The following FOXO1 variants were observed in gnomAD, a reference collection of about 807,000 sequenced individuals.
The protein encoded by FOXO1 is forkhead box protein O1.
FOXO1 carries 6 observed loss-of-function variants against 44.1 expected under a neutral mutation model. That is an observed-to-expected ratio of 0.14 (90% CI 0.07 to 0.27). FOXO1 has a LOEUF of 0.27. Ranked by LOEUF, FOXO1 falls within the 10% of genes least tolerant of loss-of-function variation. The pLI is 1.00. For synonymous variants in FOXO1, 380 were observed against 362.7 expected, an observed-to-expected ratio of 1.05 and a Z score of -0.54; for missense variants, 737 against 888.8, an observed-to-expected ratio of 0.83 and a Z score of 2.17.
At chr13:40,573,525 C>G (rs1566064766) in intron 1 of FOXO1, among the ~76,000 whole-genome samples, 1 of 152,210 alleles carries the variant, frequency 6.6e-6, no homozygotes, top group Non-Finnish European at 1.5e-5. Flanking sequence ...AGGGTCCCCA[C>G]TTGAATGACT....
intron 1 of FOXO1, among the ~76,000 whole-genome samples, chr13:40,662,987 T>G (rs1347315493): frequency 1.3e-5 from 2 of 152,248 alleles, no homozygotes; most frequent in Non-Finnish European, 2.9e-5. Context: ...TTAGAACAGC[T>G]CAGGTTGTTT....
At chr13:40,600,392 G>T (rs1266305928) in intron 1 of FOXO1, among the ~76,000 whole-genome samples, 1 of 152,134 alleles carries the variant, frequency 6.6e-6, no homozygotes, top group Admixed American at 6.5e-5. Flanking sequence ...CTTTACCTTG[G>T]GGGGCACTCA....
chr13:40,653,634 C>T lies in FOXO1; in HGVS notation c.630+11949G>A, dbSNP rs185682230. Among the ~76,000 whole-genome samples the T allele has an allele frequency of 3.3e-5, 5 of 152,310 alleles. No homozygotes were observed. The East Asian group carries it at 5.8e-4, about 18-fold the overall frequency. On this transcript the variant is annotated intron_variant, in intron 1 of 2. Coordinates refer to ENST00000379561, the MANE Select transcript of FOXO1 (RefSeq NM_002015.4). Reference sequence around the variant, plus strand: ...CTTTCCTCATTAGGCCCAAATAAGACTTAGGAGGATTAATCATGCGCATTG... The same window carrying T: ...CTTTCCTCATTAGGCCCAAATAAGATTTAGGAGGATTAATCATGCGCATTG...
In FOXO1 at chr13:40,665,120, G is replaced by A. The variant is rs556319605; in HGVS notation, c.630+463C>T. 2.4e-3 allele frequency among the ~76,000 whole-genome samples: 370 copies of A among 151,118 alleles called. 3 individuals carry two copies. The highest frequency in any genetic ancestry group is 3.7e-3 in the Middle Eastern group (1 of 270). On this transcript the variant is annotated intron_variant, in intron 1 of 2. Transcript: ENST00000379561. ...CCCGGTCCCGGGGCAGCGAGGCTCC[G>A]GGGCCCCTCGCCGCGCCCTCCCCCG... is the stretch of plus-strand genomic sequence containing the variant.
At chr13:40,603,546 T>G (rs1252249650) in intron 1 of FOXO1, among the ~76,000 whole-genome samples, 1 of 152,126 alleles carries the variant, frequency 6.6e-6, no homozygotes, top group Admixed American at 6.6e-5. Flanking sequence ...CAGCAAACCT[T>G]TGAACCAAGA....
intron 1 of FOXO1, among the ~76,000 whole-genome samples, chr13:40,655,065 G>C (rs1381045816): frequency 6.6e-6 from 1 of 152,100 alleles, no homozygotes; most frequent in Non-Finnish European, 1.5e-5. Flanking sequence ...GCAGGGCGTG[G>C]GGGCTCATGC....
chr13:40,640,970 G>C (rs1877331591), intron 1 of FOXO1, among the ~76,000 whole-genome samples: 1 of 152,140 alleles, frequency 6.6e-6, no homozygotes, highest in South Asian at 2.1e-4. Context: ...TTTTAGTAGA[G>C]ACAAGATTTC....
chr13:40,564,977 G>T (rs569451847), intron 1 of FOXO1, among the ~76,000 whole-genome samples: 1 of 151,648 alleles, frequency 6.6e-6, no homozygotes, highest in East Asian at 1.9e-4. Context: ...TGTAGTCGGG[G>T]AACCCCGACA....
intron 1 of FOXO1, among the ~76,000 whole-genome samples, chr13:40,564,275 T>G (rs114082422): frequency 0.01 from 1,468 of 145,842 alleles, 31 homozygotes; most frequent in African/African-American, 0.034. Flanking sequence ...TATACTAATT[T>G]AGACTTTAAA....
intron 1 of FOXO1, among the ~76,000 whole-genome samples, chr13:40,633,755 T>C (rs1298493649): frequency 6.6e-6 from 1 of 152,206 alleles, no homozygotes; most frequent in East Asian, 1.9e-4. Flanking sequence ...TTATGTGAAT[T>C]AGATCTCAAT....
chr13:40,574,578 T>C (rs549888136), intron 1 of FOXO1, among the ~76,000 whole-genome samples: 34 of 152,338 alleles, frequency 2.2e-4, no homozygotes, highest in African/African-American at 6.0e-4. Flanking sequence ...CAGATACTTA[T>C]ATAACAAAGA....
intron 1 of FOXO1, among the ~76,000 whole-genome samples, chr13:40,570,783 T>C (rs1283895402): frequency 1.3e-5 from 2 of 152,200 alleles, no homozygotes; most frequent in South Asian, 2.1e-4. Flanking sequence ...TTTCAGGAAG[T>C]GAAATGGAAG....
At chr13:40,634,058 G>C (rs988377229) in intron 1 of FOXO1, among the ~76,000 whole-genome samples, 1 of 152,184 alleles carries the variant, frequency 6.6e-6, no homozygotes. Context: ...CTATTCTCTG[G>C]ATGAGGCACT....
intron 1 of FOXO1, among the ~76,000 whole-genome samples, chr13:40,656,113 G>A (rs1336954113): frequency 6.6e-6 from 1 of 152,202 alleles, no homozygotes; most frequent in Non-Finnish European, 1.5e-5. Flanking sequence ...CTATTGGACT[G>A]TAATGGTGTC....
chr13:40,612,063 T>C (rs1876253360), intron 1 of FOXO1, among the ~76,000 whole-genome samples: 2 of 152,086 alleles, frequency 1.3e-5, no homozygotes, highest in South Asian at 4.1e-4. Flanking sequence ...AGTGAGACCC[T>C]GTCTCAATAA....
At chr13:40,643,734 A>T (rs1192913949) in intron 1 of FOXO1, among the ~76,000 whole-genome samples, 3 of 147,238 alleles carry the variant, frequency 2.0e-5, no homozygotes, top group Non-Finnish European at 3.0e-5. Context: ...TCCGTAATTT[A>T]AAAAAAAAAG....
chr13:40,650,777 T>C (rs1877654903), intron 1 of FOXO1, among the ~76,000 whole-genome samples: 1 of 152,168 alleles, frequency 6.6e-6, no homozygotes, highest in Non-Finnish European at 1.5e-5. Context: ...TTTTTTGAGA[T>C]GGAGTCTCAC....
At chr13:40,586,216 C>T (rs1212281918) in intron 1 of FOXO1, among the ~76,000 whole-genome samples, 1 of 152,222 alleles carries the variant, frequency 6.6e-6, no homozygotes, top group African/African-American at 2.4e-5. Context: ...AAGCACAGTA[C>T]TATTTTGTAA....
At chr13:40,633,736 G>T (rs370633909) in intron 1 of FOXO1, among the ~76,000 whole-genome samples, 1 of 151,996 alleles carries the variant, frequency 6.6e-6, no homozygotes, top group Non-Finnish European at 1.5e-5. Flanking sequence ...TCTTTAAGTG[G>T]GTAAACTGTT....
Sources: gnomAD v4.1 joint callset for allele counts (sites outside exome capture counted in the v4.1 genomes callset) on GRCh38, gnomAD v4.1.1 for gene constraint, MANE v1.5 for transcripts, NCBI Gene and HGNC (gene_info 2026-07-23, HGNC 2026-07-21) for gene names.